Variants in TNS3 observed in about 807,000 individuals in gnomAD.
The protein encoded by TNS3 is tensin 3, also known as tensin-3.
A neutral mutation model predicts 140.9 loss-of-function variants in TNS3; 45 were observed. The observed-to-expected ratio is 0.32, with a 90% CI of 0.25 to 0.41. TNS3 has a LOEUF of 0.41. Among genes scored for constraint, TNS3 ranks in the 10% least tolerant of loss-of-function variants. TNS3 has a pLI of 1.00. For missense variants in TNS3, 1,716 were observed against 1,906.7 expected, an observed-to-expected ratio of 0.90 and a Z score of 1.86; for synonymous variants, 815 against 788.4, an observed-to-expected ratio of 1.03 and a Z score of -0.56.
intron 16 of TNS3, among the ~76,000 whole-genome samples, chr7:47,378,272 T>A (rs1791526124): frequency 6.6e-6 from 1 of 151,974 alleles, no homozygotes; most frequent in African/African-American, 2.4e-5. Flanking sequence ...GACAGAGGAG[T>A]GCTCCATGAA....
chr7:47,463,249 A>T (rs1796563363), intron 4 of TNS3, among the ~76,000 whole-genome samples: 2 of 152,186 alleles, frequency 1.3e-5, no homozygotes. Flanking sequence ...GTTCGAGACC[A>T]GCCTGGCCAA....
At chr7:47,492,117 C>T (rs1253819547) in intron 3 of TNS3, among the ~76,000 whole-genome samples, 1 of 152,224 alleles carries the variant, frequency 6.6e-6, no homozygotes, top group Non-Finnish European at 1.5e-5. Context: ...CCAGAAATGG[C>T]TCCCTTTCCA....
intron 6 of TNS3, among the ~76,000 whole-genome samples, chr7:47,438,048 T>C (rs954187955): frequency 1.6e-5 from 1 of 60,720 alleles, no homozygotes; most frequent in African/African-American, 6.0e-5. Flanking sequence ...AAAATAATAA[T>C]AATAATAATA....
intron 4 of TNS3, among the ~76,000 whole-genome samples, chr7:47,448,460 C>T (rs1352870561): frequency 6.7e-6 from 1 of 150,042 alleles, no homozygotes; most frequent in Non-Finnish European, 1.5e-5. Context: ...GAGAGCCCAA[C>T]TCTGGTGGGA....
chr7:47,548,918 CCACTTCCCCA>C (rs1186070490), intron 1 of TNS3, among the ~76,000 whole-genome samples: 1 of 152,206 alleles, frequency 6.6e-6, no homozygotes, highest in African/African-American at 2.4e-5. Context: ...ACAAATAGCA[CCACTTCCCCA>C]CACAGTCAAG....
intron 1 of TNS3, among the ~76,000 whole-genome samples, chr7:47,547,076 A>C (rs1381664873): frequency 1.3e-5 from 2 of 152,160 alleles, no homozygotes; most frequent in Non-Finnish European, 2.9e-5. Context: ...TCATCTGTCC[A>C]TTCATTCATT....
chr7:47,537,633 A>G (rs334510), intron 1 of TNS3, among the ~76,000 whole-genome samples: 48,978 of 151,792 alleles, frequency 0.32, 8,286 homozygotes, highest in East Asian at 0.44. Context: ...AAGAATCAAA[A>G]CCGGGCAAGC....
At position 47,276,261 on chromosome 7, in the gene TNS3, T is replaced by C. The variant is rs1208257214; in HGVS notation, c.*1815A>G. On this transcript the variant is annotated 3_prime_UTR_variant, in exon 31 of 31. Transcript: ENST00000311160. ...GAAATGAGGCACTTGGTTTGGTGCA[T>C]CAATAGGAGCTAAAAAGTGGAATGG... 3.7e-5 allele frequency: 7 copies of C among 187,002 alleles called. No homozygotes were observed. The highest frequency in any genetic ancestry group is 1.2e-4 in the South Asian group (1 of 8,522). 11.6% of individuals were successfully genotyped at this position (187,002 alleles called of 1,614,324 possible).
chr7:47,447,247 TA>T (rs2151610714), intron 4 of TNS3, among the ~76,000 whole-genome samples: 1 of 124,778 alleles, frequency 8.0e-6, no homozygotes, highest in South Asian at 2.6e-4. Flanking sequence ...TGGTTCCACA[TA>T]TGTTTGTTTG....
At chr7:47,344,143 G>A (rs114961708) in intron 20 of TNS3, among the ~76,000 whole-genome samples, 4 of 152,070 alleles carry the variant, frequency 2.6e-5, no homozygotes, top group Non-Finnish European at 5.9e-5. Context: ...GCCTGAGCTC[G>A]GCCTTGTCCT....
chr7:47,504,531 C>T (rs1238177148), intron 3 of TNS3, among the ~76,000 whole-genome samples: 1 of 152,250 alleles, frequency 6.6e-6, no homozygotes, highest in African/African-American at 2.4e-5. Context: ...TGATGCCAGA[C>T]CAAAGCCTAT....
chr7:47,332,468 G>A (rs986561977), intron 20 of TNS3, among the ~76,000 whole-genome samples: 1 of 152,186 alleles, frequency 6.6e-6, no homozygotes, highest in African/African-American at 2.4e-5. Flanking sequence ...CCAGGCTCAG[G>A]CCCGAGCTGT....
chr7:47,556,887 G>A (rs953267690), intron 1 of TNS3: 12 of 378,444 alleles, frequency 3.2e-5, no homozygotes, highest in South Asian at 1.4e-4. Flanking sequence ...GGCACCTGGC[G>A]ATTCTCAATG....
intron 1 of TNS3, among the ~76,000 whole-genome samples, chr7:47,541,146 A>T (rs767414980): frequency 6.6e-6 from 1 of 152,182 alleles, no homozygotes; most frequent in Non-Finnish European, 1.5e-5. Flanking sequence ...GAGATTGGTC[A>T]TGCACAGGAT....
intron 10 of TNS3, among the ~76,000 whole-genome samples, chr7:47,423,523 T>C (rs906089605): frequency 3.3e-5 from 5 of 152,222 alleles, no homozygotes; most frequent in African/African-American, 9.6e-5. Flanking sequence ...AAGGGAGAGA[T>C]GGGCAGCATG....
At chr7:47,452,971 T>C (rs1241679093) in intron 4 of TNS3, 5 of 985,384 alleles carry the variant, frequency 5.1e-6, no homozygotes, top group Non-Finnish European at 1.2e-6. Context: ...CCAGGGCTGC[T>C]TTTCCCTTCC....
chr7:47,501,097 A>G (rs1798198013), intron 3 of TNS3, among the ~76,000 whole-genome samples: 1 of 149,464 alleles, frequency 6.7e-6, no homozygotes, highest in Admixed American at 6.7e-5. Flanking sequence ...GAAAGAGAGA[A>G]AGAGAGAAAG....
chr7:47,305,049 G>A (rs753202102), intron 20 of TNS3, 46 bp from the exon 21 acceptor site: 3 of 1,307,120 alleles, frequency 2.3e-6, no homozygotes, highest in Non-Finnish European at 3.0e-6. Flanking sequence ...TTGTAGGACT[G>A]GAGAAGTCAT....
At chr7:47,438,805 C>T (rs1399719000) in intron 6 of TNS3, among the ~76,000 whole-genome samples, 3 of 152,152 alleles carry the variant, frequency 2.0e-5, no homozygotes, top group African/African-American at 7.2e-5. Flanking sequence ...AGCTTTACCA[C>T]AGATAAGGAG....
Sources: gnomAD v4.1 joint callset for allele counts (sites outside exome capture counted in the v4.1 genomes callset) on GRCh38, gnomAD v4.1.1 for gene constraint, MANE v1.5 for transcripts, NCBI Gene and HGNC (gene_info 2026-07-23, HGNC 2026-07-21) for gene names.